Variants in NRG3 observed in about 807,000 individuals in gnomAD.
NRG3 encodes the protein pro-neuregulin-3, membrane-bound isoform.
NRG3 carries 31 observed loss-of-function variants against 66.9 expected under a neutral mutation model. The observed-to-expected ratio is 0.46, with a 90% CI of 0.35 to 0.63. NRG3 has a LOEUF of 0.63. Among genes scored for constraint, NRG3 ranks in the 20% least tolerant of loss-of-function variants. The pLI is 0.00. For synonymous variants in NRG3, 393 were observed against 359.4 expected (o/e 1.09, Z -1.06); for missense variants, 910 against 878.9 (o/e 1.04, Z -0.45).
chr10:81,953,575 G>A (rs1344359059), intron 1 of NRG3, among the ~76,000 whole-genome samples: 1 of 152,120 alleles, frequency 6.6e-6, no homozygotes, highest in Non-Finnish European at 1.5e-5. Flanking sequence ...GATTGATAAA[G>A]TATCACATTA....
At chr10:82,515,183 T>A (rs1845539279) in intron 2 of NRG3, among the ~76,000 whole-genome samples, 1 of 152,158 alleles carries the variant, frequency 6.6e-6, no homozygotes, top group Non-Finnish European at 1.5e-5. Flanking sequence ...TTTCCAGTTG[T>A]GTCTAATTTC....
At chr10:82,967,866 C>T (rs1021496444) in intron 6 of NRG3, among the ~76,000 whole-genome samples, 13 of 152,162 alleles carry the variant, frequency 8.5e-5, no homozygotes, top group African/African-American at 2.2e-4. Flanking sequence ...ATGGAAGTAT[C>T]GGCATTCTGC....
chr10:82,280,273 A>G (rs1025005107), intron 1 of NRG3, among the ~76,000 whole-genome samples: 7 of 152,186 alleles, frequency 4.6e-5, no homozygotes, highest in African/African-American at 1.4e-4. Context: ...AGGGCACAAG[A>G]TATAGATCAC....
At chr10:82,333,228 C>T (rs1478794254) in intron 1 of NRG3, among the ~76,000 whole-genome samples, 1 of 152,112 alleles carries the variant, frequency 6.6e-6, no homozygotes. Context: ...CCTTAAGGAG[C>T]TCAGGATCTC....
At chr10:81,899,710 C>T (rs1462609307) in intron 1 of NRG3, among the ~76,000 whole-genome samples, 1 of 152,200 alleles carries the variant, frequency 6.6e-6, no homozygotes, top group Non-Finnish European at 1.5e-5. Flanking sequence ...GATGAAGGGC[C>T]TGGCCCCTGT....
At chr10:82,234,458 C>T (rs934444196) in intron 1 of NRG3, among the ~76,000 whole-genome samples, 2 of 152,042 alleles carry the variant, frequency 1.3e-5, no homozygotes, top group South Asian at 2.1e-4. Context: ...GTCATCTGGA[C>T]GTTATGTTCC....
intron 4 of NRG3, among the ~76,000 whole-genome samples, chr10:82,909,775 G>C (rs1405677619): frequency 6.6e-6 from 1 of 152,176 alleles, no homozygotes; most frequent in East Asian, 1.9e-4. Flanking sequence ...ATACCTCTAT[G>C]AGTAACAGTG....
intron 3 of NRG3, among the ~76,000 whole-genome samples, chr10:82,831,156 G>A (rs1001415865): frequency 1.3e-5 from 2 of 152,072 alleles, no homozygotes; most frequent in African/African-American, 4.8e-5. Flanking sequence ...GAGATGAACT[G>A]GTCCTTATCA....
chr10:82,594,019 G>T (rs1022977148), intron 2 of NRG3, among the ~76,000 whole-genome samples: 4 of 152,102 alleles, frequency 2.6e-5, no homozygotes, highest in African/African-American at 9.6e-5. Context: ...TTTGTTTTAT[G>T]TCAGACTCAG....
chr10:82,731,077 T>C (rs1208021792), intron 2 of NRG3, among the ~76,000 whole-genome samples: 1 of 152,092 alleles, frequency 6.6e-6, no homozygotes, highest in East Asian at 1.9e-4. Context: ...TCAAGAAATA[T>C]CACTGGAAGC....
At chr10:81,900,148 C>T (rs904445928) in intron 1 of NRG3, among the ~76,000 whole-genome samples, 1 of 152,092 alleles carries the variant, frequency 6.6e-6, no homozygotes, top group Non-Finnish European at 1.5e-5. Context: ...GGGGTTTCAC[C>T]ATGTTGTCCA....
chr10:81,933,141 A>C (rs1406453293), intron 1 of NRG3, among the ~76,000 whole-genome samples: 2 of 151,840 alleles, frequency 1.3e-5, no homozygotes, highest in Non-Finnish European at 2.9e-5. Context: ...GAAAAAAAGA[A>C]ATTTGTTCTT....
intron 3 of NRG3, among the ~76,000 whole-genome samples, chr10:82,790,204 C>T (rs959377752): frequency 6.6e-6 from 1 of 152,078 alleles, no homozygotes; most frequent in Non-Finnish European, 1.5e-5. Flanking sequence ...TTCATGTGAA[C>T]TTAGGGTACT....
chr10:82,441,709 A>T (rs2090442444), intron 2 of NRG3, among the ~76,000 whole-genome samples: 1 of 152,196 alleles, frequency 6.6e-6, no homozygotes, highest in Non-Finnish European at 1.5e-5. Flanking sequence ...GTGGTGTATT[A>T]ATAACAGATG....
intron 1 of NRG3, among the ~76,000 whole-genome samples, chr10:82,075,703 C>T (rs1001712154): frequency 7.3e-5 from 11 of 151,450 alleles, no homozygotes; most frequent in African/African-American, 1.9e-4. Flanking sequence ...TCCATTTTTT[C>T]GAAGTGTATG....
chr10:82,428,163 G>A (rs2089569122), intron 2 of NRG3, among the ~76,000 whole-genome samples: 1 of 151,460 alleles, frequency 6.6e-6, no homozygotes, highest in Admixed American at 6.6e-5. Context: ...GTTTTGTTGA[G>A]TTTCTCTATA....
intron 2 of NRG3, among the ~76,000 whole-genome samples, chr10:82,627,321 T>C (rs1222343707): frequency 1.3e-5 from 2 of 152,128 alleles, no homozygotes; most frequent in Non-Finnish European, 2.9e-5. Flanking sequence ...CCATGCCCAG[T>C]AGTAATTTTG....
intron 4 of NRG3, among the ~76,000 whole-genome samples, chr10:82,909,058 T>C (rs904512733): frequency 6.6e-6 from 1 of 152,218 alleles, no homozygotes; most frequent in African/African-American, 2.4e-5. Context: ...GCTATATGCC[T>C]GGCTGACCAT....
chr10:82,137,826 T>C (rs565221419), intron 1 of NRG3, among the ~76,000 whole-genome samples: 1 of 152,296 alleles, frequency 6.6e-6, no homozygotes, highest in African/African-American at 2.4e-5. Flanking sequence ...GGGTTTATAA[T>C]CCAGGGGATT....
Sources: gnomAD v4.1 joint callset for allele counts (sites outside exome capture counted in the v4.1 genomes callset) on GRCh38, gnomAD v4.1.1 for gene constraint, MANE v1.5 for transcripts, NCBI Gene and HGNC (gene_info 2026-07-23, HGNC 2026-07-21) for gene names.